Variants in RALGPS2 observed in about 807,000 individuals in gnomAD.
RALGPS2 encodes the protein ras-specific guanine nucleotide-releasing factor RalGPS2.
RALGPS2 carries 43 observed loss-of-function variants against 86.8 expected under a neutral mutation model. The observed-to-expected ratio is 0.50, with a 90% CI of 0.39 to 0.64. The LOEUF (loss-of-function observed/expected upper bound fraction) is 0.64. Ranked by LOEUF, RALGPS2 falls within the 30% of genes least tolerant of loss-of-function variation. The pLI, the probability that RALGPS2 is intolerant of heterozygous loss-of-function variation, is 0.00. For missense variants in RALGPS2, 536 were observed against 694.6 expected (o/e 0.77, Z 2.57); for synonymous variants, 243 against 231.3 (o/e 1.05, Z -0.46).
chr1:178,864,815 TA>T (rs1382091001), intron 8 of RALGPS2: 35 of 501,942 alleles, frequency 7.0e-5, no homozygotes, highest in Non-Finnish European at 4.7e-5. Context: ...CAATTCTTGA[TA>T]TTAATAAAAA....
At chr1:178,850,895 T>A (rs1191751711) in intron 8 of RALGPS2, 7 of 361,158 alleles carry the variant, frequency 1.9e-5, no homozygotes, top group African/African-American at 8.4e-5. Flanking sequence ...AACTTTGTAT[T>A]TAGTCAACAT....
chr1:178,907,919 T>G (rs1660455471), intron 19 of RALGPS2, among the ~76,000 whole-genome samples: 1 of 152,240 alleles, frequency 6.6e-6, no homozygotes, highest in Non-Finnish European at 1.5e-5. Flanking sequence ...TTCTTCATCC[T>G]TTAAGTCCAT....
At chr1:178,827,392 ATTTT>A (rs748058137) in intron 7 of RALGPS2, among the ~76,000 whole-genome samples, 1 of 131,998 alleles carries the variant, frequency 7.6e-6, no homozygotes, top group South Asian at 2.4e-4. Context: ...ATACTCTCTG[ATTTT>A]TTTTTTTTTT....
At chr1:178,835,394 T>C (rs1266820868) in intron 8 of RALGPS2, among the ~76,000 whole-genome samples, 10 of 143,750 alleles carry the variant, frequency 7.0e-5, no homozygotes, top group Admixed American at 2.1e-4. Flanking sequence ...TTTCTTTTCT[T>C]TTTTTTTTTT....
At chr1:178,785,138 T>C (rs1168632342) in intron 3 of RALGPS2, among the ~76,000 whole-genome samples, 2 of 152,026 alleles carry the variant, frequency 1.3e-5, no homozygotes, top group Non-Finnish European at 2.9e-5. Context: ...TTAGATATAA[T>C]GTTGGCTTTA....
chr1:178,863,898 T>C (rs747328961), intron 8 of RALGPS2, among the ~76,000 whole-genome samples: 11 of 152,212 alleles, frequency 7.2e-5, no homozygotes, highest in Non-Finnish European at 1.3e-4. Context: ...TTCTAGTCTT[T>C]AGTCTGTGTT....
Position 178,885,988 on chromosome 1 carries a change from A to G in RALGPS2, c.1060A>G (p.Thr354Ala). 1.3e-6 allele frequency: 2 copies of G among 1,597,644 alleles called. No individual in the cohort carries two copies. The highest frequency in any genetic ancestry group is 2.2e-5 in the East Asian group (1 of 44,728). ...TTCTAGTTTCATTCATAAAATGAAC[A>G]CAGCAGAATTTAAGAGTGCAACGTT... is the stretch of plus-strand genomic sequence containing the variant. ...LGYNFIHKMN[T>A]AEFKSATFPN... The change falls in exon 13 of 20, where the codon ACA becomes GCA. Residue 354 changes from threonine to alanine, a missense_variant. By Grantham distance (58) the Thr-to-Ala change is moderately conservative. Coordinates refer to ENST00000367635, the MANE Select transcript of RALGPS2 (RefSeq NM_152663.5).
rs1030936410 is a variant in RALGPS2, at chr1:178,757,623, G to A, written c.-83-19059G>A. On this transcript the variant is annotated intron_variant, in intron 1 of 19. Coordinates refer to ENST00000367635, the MANE Select transcript of RALGPS2 (RefSeq NM_152663.5). ...GATTTGTGTATGTTGAACCAACCTT[G>A]CATCACAAGAGTGAAGCTTGCTTAA... Among the ~76,000 whole-genome samples, 9 of 152,160 alleles carry A rather than the reference G, an allele frequency of 5.9e-5. No individual in the cohort carries two copies. In the East Asian group the frequency reaches 1.7e-3, roughly 29 times the overall value.
At chr1:178,819,488 T>C (rs1430294172) in intron 6 of RALGPS2, among the ~76,000 whole-genome samples, 1 of 151,780 alleles carries the variant, frequency 6.6e-6, no homozygotes, top group Admixed American at 6.6e-5. Flanking sequence ...GCAATGAGAG[T>C]CTCTTATTGG....
chr1:178,850,525 A>G (rs998549229), intron 8 of RALGPS2: 3 of 152,056 alleles, frequency 2.0e-5, no homozygotes, highest in African/African-American at 4.8e-5. Context: ...ATTTTTAAAA[A>G]TGATATGTAT....
At chr1:178,795,877 A>G (rs1654164526) in intron 4 of RALGPS2, among the ~76,000 whole-genome samples, 1 of 152,208 alleles carries the variant, frequency 6.6e-6, no homozygotes, top group Non-Finnish European at 1.5e-5. Flanking sequence ...TCCTTGTTTT[A>G]ATGAAAATTA....
intron 2 of RALGPS2, among the ~76,000 whole-genome samples, chr1:178,777,108 C>A (rs966421324): frequency 7.8e-6 from 1 of 128,402 alleles, no homozygotes; most frequent in Non-Finnish European, 1.6e-5. Context: ...CCCCTCCCCC[C>A]ACCCCACCAC....
At chr1:178,879,500 A>G (rs1659142601) in intron 10 of RALGPS2, 1 of 152,404 alleles carries the variant, frequency 6.6e-6, no homozygotes, top group South Asian at 2.1e-4. Flanking sequence ...TTCTTTATTA[A>G]AGATTTTTGA....
chr1:178,736,060 A>G (rs1650682867), intron 1 of RALGPS2, among the ~76,000 whole-genome samples: 1 of 152,000 alleles, frequency 6.6e-6, no homozygotes, highest in Non-Finnish European at 1.5e-5. Context: ...CTTATGGTGT[A>G]CATGTTTGTT....
chr1:178,816,336 T>G (rs1655227929), intron 6 of RALGPS2, among the ~76,000 whole-genome samples: 1 of 152,150 alleles, frequency 6.6e-6, no homozygotes, highest in Non-Finnish European at 1.5e-5. Context: ...ATGATAGTGA[T>G]GGTTGAGTAT....
At chr1:178,891,924 T>A (rs1391697190) in intron 14 of RALGPS2, among the ~76,000 whole-genome samples, 2 of 151,992 alleles carry the variant, frequency 1.3e-5, no homozygotes, top group East Asian at 3.9e-4. Context: ...AGGTTTTTTT[T>A]TTATTATTTG....
chr1:178,900,538 CTGAGAAT>C (rs1435605380), intron 17 of RALGPS2, among the ~76,000 whole-genome samples: 6 of 151,964 alleles, frequency 3.9e-5, no homozygotes, highest in African/African-American at 1.4e-4. Flanking sequence ...AATTCCTCAT[CTGAGAAT>C]CTGTCCTACT....
In RALGPS2 at chr1:178,911,361, T is replaced by C. The variant is rs193038152; in HGVS notation, c.1722+4494T>C. 1.3e-4 allele frequency among the ~76,000 whole-genome samples: 20 copies of C among 152,286 alleles called. 1 individual carries two copies. The East Asian group carries it at 3.9e-3, about 29-fold the overall frequency. On this transcript the variant is annotated intron_variant, in intron 19 of 19. Transcript: ENST00000367635. ...CAAGGTATGATGTTAGGTTGTTAATTTGAGCTCTTTCTAACTTCTTGACAT... is the reference window on the plus strand; with the variant it reads ...CAAGGTATGATGTTAGGTTGTTAATCTGAGCTCTTTCTAACTTCTTGACAT...
At chr1:178,900,380 C>T (rs1376644226) in intron 17 of RALGPS2, among the ~76,000 whole-genome samples, 1 of 151,842 alleles carries the variant, frequency 6.6e-6, no homozygotes, top group Non-Finnish European at 1.5e-5. Context: ...CACTTTCCTG[C>T]CATTAGACAA....
Sources: gnomAD v4.1 joint callset for allele counts (sites outside exome capture counted in the v4.1 genomes callset) on GRCh38, gnomAD v4.1.1 for gene constraint, MANE v1.5 for transcripts, NCBI Gene and HGNC (gene_info 2026-07-23, HGNC 2026-07-21) for gene names.